The following SMOC2 variants were observed in gnomAD, a reference collection of about 807,000 sequenced individuals.
The protein encoded by SMOC2 is SPARC-related modular calcium-binding protein 2.
SMOC2 carries 39 observed loss-of-function variants against 61.4 expected under a neutral mutation model. The ratio of observed to expected loss-of-function variants is 0.64; its 90% CI spans 0.49 to 0.83. The LOEUF is 0.83. Among genes scored for constraint, SMOC2 ranks in the 40% least tolerant of loss-of-function variants. The pLI is 0.00. For synonymous variants in SMOC2, 247 were observed against 239.9 expected (o/e 1.03, Z -0.27); for missense variants, 556 against 592.9 (o/e 0.94, Z 0.65).
intron 7 of SMOC2, among the ~76,000 whole-genome samples, chr6:168,550,241 G>A (rs536199045): frequency 1.3e-5 from 2 of 152,188 alleles, no homozygotes; most frequent in African/African-American, 4.8e-5. Flanking sequence ...AATTTTCTGC[G>A]ATCAGCTTTG....
chr6:168,642,376 G>T (rs2115262712), intron 9 of SMOC2, among the ~76,000 whole-genome samples: 1 of 152,274 alleles, frequency 6.6e-6, no homozygotes, highest in Middle Eastern at 3.4e-3. Context: ...ACAAGTGTAG[G>T]CTACGGTCTG....
chr6:168,626,095 C>T (rs1786401951), intron 9 of SMOC2, among the ~76,000 whole-genome samples: 1 of 152,210 alleles, frequency 6.6e-6, no homozygotes, highest in African/African-American at 2.4e-5. Flanking sequence ...GTAGCCCCCA[C>T]GTGAAGCAGA....
intron 6 of SMOC2, among the ~76,000 whole-genome samples, chr6:168,547,422 A>T (rs1784030912): frequency 6.6e-6 from 1 of 151,968 alleles, no homozygotes; most frequent in African/African-American, 2.4e-5. Context: ...GTAGGGTAGG[A>T]TGGAGGAAAC....
intron 4 of SMOC2, among the ~76,000 whole-genome samples, chr6:168,530,181 GAATAATA>G (rs1783555982): frequency 6.6e-6 from 1 of 152,166 alleles, no homozygotes; most frequent in Non-Finnish European, 1.5e-5. Context: ...GTGTGTTTAT[GAATAATA>G]CATGCAAACG....
rs189306102 is a variant in SMOC2 at position 168,666,187 on chromosome 6, C to G, written c.1324-234C>G. ...CTTAGAATATTTACAGTGGATGTTA[C>G]TTTTTTGAAACGATATATTTTTCCC... is the stretch of plus-strand genomic sequence containing the variant. On this transcript the variant is annotated intron_variant, in intron 12 of 12. Coordinates refer to ENST00000356284, the MANE Select transcript of SMOC2 (RefSeq NM_001166412.2). Among the ~76,000 whole-genome samples, 3 of 152,216 alleles carry G rather than the reference C, an allele frequency of 2.0e-5. No homozygotes were observed. In the East Asian group the frequency reaches 5.8e-4, roughly 29 times the overall value.
In SMOC2 at chr6:168,602,599, G is replaced by A. The variant is rs1785579513; in HGVS notation, c.824+3595G>A. On this transcript the variant is annotated intron_variant, in intron 8 of 12. Coordinates refer to ENST00000356284, the MANE Select transcript of SMOC2 (RefSeq NM_001166412.2). ...GGTTCCTTTTTCAGCACCCAGGGCA[G>A]GACTAGGATTAGCCCCTTGGCACCC... Among the ~76,000 whole-genome samples, 4 of 152,294 alleles carry A rather than the reference G, an allele frequency of 2.6e-5. No homozygotes were observed. The South Asian group carries it at 8.3e-4, about 32-fold the overall frequency.
chr6:168,633,058 G>C (rs1300076654), intron 9 of SMOC2, among the ~76,000 whole-genome samples: 1 of 152,170 alleles, frequency 6.6e-6, no homozygotes, highest in African/African-American at 2.4e-5. Flanking sequence ...GTGTTGATGA[G>C]AAACCAGGTA....
intron 2 of SMOC2, among the ~76,000 whole-genome samples, chr6:168,511,982 G>A (rs1483104104): frequency 6.6e-6 from 1 of 152,162 alleles, no homozygotes; most frequent in Non-Finnish European, 1.5e-5. Context: ...GAGGGCACAA[G>A]AGAGAATGGT....
intron 11 of SMOC2, among the ~76,000 whole-genome samples, chr6:168,660,001 TCTGGGTGAGGGTGGAGGTTGTAGG>T (rs1358999291): frequency 9.2e-5 from 11 of 119,434 alleles, no homozygotes; most frequent in African/African-American, 2.9e-4. Context: ...GAGGTTGTTG[TCTGGGTGAGGGTGGAGGTTGTAGG>T]CTGGGTGAGG....
intron 7 of SMOC2, among the ~76,000 whole-genome samples, chr6:168,582,213 GC>G (rs1161413169): frequency 2.0e-5 from 3 of 152,184 alleles, no homozygotes; most frequent in African/African-American, 7.2e-5. Flanking sequence ...GCAGTCTCAG[GC>G]TGAATCCATG....
chr6:168,612,375 A>G lies in SMOC2; in HGVS notation c.907+4136A>G, dbSNP rs374970485. ...CCCCAACCTTTACTCAAACAGCAGC[A>G]CTGGGTTCGTGATCTCCATCAGGGG... On this transcript the variant is annotated intron_variant, in intron 9 of 12. Coordinates refer to ENST00000356284, the MANE Select transcript of SMOC2 (RefSeq NM_001166412.2). 8.7e-4 allele frequency among the ~76,000 whole-genome samples: 82 copies of G among 94,340 alleles called. 11 individuals carry two copies. The highest frequency in any genetic ancestry group is 3.1e-3 in the African/African-American group (73 of 23,298). The allele number at this position is 94,340 out of a possible 152,430, so 61.9% of individuals were successfully genotyped here. A position where few individuals can be genotyped will look rare whatever the true frequency, so the allele number is the denominator to read the frequency against.
chr6:168,541,327 G>A (rs553222076), intron 4 of SMOC2, among the ~76,000 whole-genome samples: 80 of 152,294 alleles, frequency 5.3e-4, no homozygotes, highest in Admixed American at 1.1e-3. Context: ...CCTCCAGCCC[G>A]GGGTTCACAA....
At chr6:168,532,179 T>C (rs1392734793) in intron 4 of SMOC2, among the ~76,000 whole-genome samples, 3 of 152,120 alleles carry the variant, frequency 2.0e-5, no homozygotes, top group African/African-American at 7.2e-5. Context: ...TAGAGATGTA[T>C]GCACTCCTCA....
intron 7 of SMOC2, among the ~76,000 whole-genome samples, chr6:168,596,517 T>C (rs566179036): frequency 7.3e-4 from 110 of 151,620 alleles, no homozygotes; most frequent in African/African-American, 2.5e-3. Flanking sequence ...ACAGGTGCCA[T>C]GTGAACACGG....
At chr6:168,651,208 C>T (rs1457007240) in intron 10 of SMOC2, among the ~76,000 whole-genome samples, 1 of 152,236 alleles carries the variant, frequency 6.6e-6, no homozygotes, top group Non-Finnish European at 1.5e-5. Flanking sequence ...GTAAAATGTA[C>T]AGCACATACA....
At chr6:168,470,041 T>G (rs1015007846) in intron 1 of SMOC2, among the ~76,000 whole-genome samples, 2 of 152,260 alleles carry the variant, frequency 1.3e-5, no homozygotes, top group African/African-American at 4.8e-5. Context: ...CCTTCTGCTG[T>G]GAGCCAAGGC....
intron 11 of SMOC2, among the ~76,000 whole-genome samples, chr6:168,655,887 A>G (rs994655403): frequency 4.0e-5 from 6 of 151,462 alleles, no homozygotes; most frequent in African/African-American, 1.5e-4. Context: ...GATCCCCCAT[A>G]TGTGTGTGCT....
In SMOC2 at chr6:168,627,054, C is replaced by G. The variant is rs927113874; in HGVS notation, c.907+18815C>G. ...AAGAGACACACTCCAGGCCCCATAA[C>G]CTTGGAGGAGCTAGATATTTGTAAA... is the stretch of plus-strand genomic sequence containing the variant. On this transcript the variant is annotated intron_variant, in intron 9 of 12. Coordinates refer to ENST00000356284, the MANE Select transcript of SMOC2 (RefSeq NM_001166412.2). 2.6e-5 allele frequency among the ~76,000 whole-genome samples: 4 copies of G among 152,320 alleles called. No homozygotes were observed. The East Asian group carries it at 7.7e-4, about 29-fold the overall frequency.
intron 1 of SMOC2, among the ~76,000 whole-genome samples, chr6:168,444,348 T>C: frequency 6.6e-6 from 1 of 152,222 alleles, no homozygotes; most frequent in East Asian, 1.9e-4. Flanking sequence ...CTTACTCACC[T>C]ATGGTGAGTG....
Sources: gnomAD v4.1 joint callset for allele counts (sites outside exome capture counted in the v4.1 genomes callset) on GRCh38, gnomAD v4.1.1 for gene constraint, MANE v1.5 for transcripts, NCBI Gene and HGNC (gene_info 2026-07-23, HGNC 2026-07-21) for gene names.